Variants in RALYL observed in about 807,000 individuals in gnomAD.
RALYL encodes the protein RNA-binding Raly-like protein.
In RALYL, 29 loss-of-function variants were observed where a neutral mutation model predicts 35.1. The observed-to-expected ratio is 0.83, with a 90% CI of 0.61 to 1.13. The LOEUF (loss-of-function observed/expected upper bound fraction) is 1.13. Among genes scored for constraint, RALYL ranks in the 50% most tolerant of loss-of-function variants. The probability of loss-of-function intolerance (pLI) is 0.00; values close to 1 mark genes in which losing one functional copy is unlikely to be tolerated. For synonymous variants in RALYL, 120 were observed against 127.6 expected (o/e 0.94, Z 0.40); for missense variants, 359 against 360.4 (o/e 1.00, Z 0.03).
Position 84,819,399 on chromosome 8 carries a change from A to T in RALYL, c.365+14597A>T, listed in dbSNP as rs185865005. ...CCATCATTTATTTCTGCACCTGTCAATGACACTTTTCTGTACTTGTCAAAA... is the reference window on the plus strand; with the variant it reads ...CCATCATTTATTTCTGCACCTGTCATTGACACTTTTCTGTACTTGTCAAAA... On this transcript the variant is annotated intron_variant, in intron 4 of 8. Transcript: ENST00000521268. Among the ~76,000 whole-genome samples, 10 of 152,346 alleles carry T rather than the reference A, an allele frequency of 6.6e-5. No individual in the cohort carries two copies. In the East Asian group the frequency reaches 1.9e-3, roughly 29 times the overall value.
At chr8:84,548,485 A>G (rs1473954205) in intron 2 of RALYL, among the ~76,000 whole-genome samples, 2 of 151,938 alleles carry the variant, frequency 1.3e-5, no homozygotes, top group Non-Finnish European at 2.9e-5. Flanking sequence ...GTGGCCATGT[A>G]TTTCCAGTGT....
At chr8:84,803,253 G>A (rs1317881918) in intron 3 of RALYL, among the ~76,000 whole-genome samples, 1 of 152,170 alleles carries the variant, frequency 6.6e-6, no homozygotes, top group African/African-American at 2.4e-5. Context: ...GGAAAATAAA[G>A]TAGTACCATT....
At chr8:84,589,170 T>C (rs1017815307) in intron 2 of RALYL, among the ~76,000 whole-genome samples, 3 of 152,230 alleles carry the variant, frequency 2.0e-5, no homozygotes, top group Admixed American at 6.5e-5. Flanking sequence ...AGCGCCGGGA[T>C]TACAGGTGTG....
intron 4 of RALYL, among the ~76,000 whole-genome samples, chr8:84,833,301 C>T (rs1027549515): frequency 6.6e-6 from 1 of 152,080 alleles, no homozygotes; most frequent in Non-Finnish European, 1.5e-5. Flanking sequence ...GGAATTATTA[C>T]CCTTTTTTTA....
At chr8:84,546,619 T>C (rs1233358240) in intron 2 of RALYL, among the ~76,000 whole-genome samples, 2 of 152,248 alleles carry the variant, frequency 1.3e-5, no homozygotes, top group African/African-American at 4.8e-5. Context: ...TTCTGTTAGA[T>C]AAATTTTACA....
chr8:84,385,657 C>T (rs1433799049), intron 1 of RALYL, among the ~76,000 whole-genome samples: 1 of 151,864 alleles, frequency 6.6e-6, no homozygotes, highest in Non-Finnish European at 1.5e-5. Flanking sequence ...GATTGACTCT[C>T]TTTGTCTCAG....
At chr8:84,793,795 C>A (rs1821328295) in intron 3 of RALYL, among the ~76,000 whole-genome samples, 1 of 151,982 alleles carries the variant, frequency 6.6e-6, no homozygotes, top group Non-Finnish European at 1.5e-5. Flanking sequence ...AACAAGGGTC[C>A]AGGGGAGGGT....
chr8:84,865,561 T>C (rs1262667397), intron 6 of RALYL, among the ~76,000 whole-genome samples: 2 of 152,152 alleles, frequency 1.3e-5, no homozygotes, highest in African/African-American at 2.4e-5. Context: ...TAAAATCAAA[T>C]TGAACTAAAA....
intron 1 of RALYL, among the ~76,000 whole-genome samples, chr8:84,412,931 C>T (rs1247972490): frequency 6.6e-6 from 1 of 151,722 alleles, no homozygotes; most frequent in Non-Finnish European, 1.5e-5. Context: ...CAAAGTCCTA[C>T]AGTTTGTGGA....
At chr8:84,223,209 C>CTCCCTTCCCTTCCCTTCTCT (rs1554578634) in intron 1 of RALYL, among the ~76,000 whole-genome samples, 50 of 88,896 alleles carry the variant, frequency 5.6e-4, no homozygotes, top group African/African-American at 2.6e-3. Flanking sequence ...CCTTCCATTC[C>CTCCCTTCCCTTCCCTTCTCT]TCCCTTCCCT....
At chr8:84,790,709 A>T (rs1325537409) in intron 3 of RALYL, among the ~76,000 whole-genome samples, 2 of 152,228 alleles carry the variant, frequency 1.3e-5, no homozygotes, top group African/African-American at 4.8e-5. Context: ...GCCAGAGTAC[A>T]TTCAGAGATT....
chr8:84,469,629 G>A (rs1014255374), intron 1 of RALYL, among the ~76,000 whole-genome samples: 1 of 152,214 alleles, frequency 6.6e-6, no homozygotes, highest in Non-Finnish European at 1.5e-5. Flanking sequence ...GGAGCCTACA[G>A]AGGAAAGCAG....
intron 2 of RALYL, among the ~76,000 whole-genome samples, chr8:84,630,053 T>C (rs1266189400): frequency 6.6e-6 from 1 of 152,008 alleles, no homozygotes; most frequent in African/African-American, 2.4e-5. Context: ...GAAAACATCA[T>C]TTAAGCAAAG....
intron 3 of RALYL, among the ~76,000 whole-genome samples, chr8:84,801,779 G>A (rs1823338634): frequency 6.6e-6 from 1 of 152,142 alleles, no homozygotes; most frequent in Non-Finnish European, 1.5e-5. Flanking sequence ...ACTGGTGAGG[G>A]CATGTTTGTG....
intron 8 of RALYL, among the ~76,000 whole-genome samples, chr8:84,914,780 T>A: frequency 6.6e-6 from 1 of 152,042 alleles, no homozygotes; most frequent in East Asian, 1.9e-4. Flanking sequence ...TAGACAGAAC[T>A]ACTACAAATC....
At chr8:84,839,222 A>G (rs138973830) in intron 4 of RALYL, among the ~76,000 whole-genome samples, 3,711 of 152,296 alleles carry the variant, frequency 0.024, 150 homozygotes, top group African/African-American at 0.084. Flanking sequence ...TTCCTAGTCA[A>G]AGAAAGGGGT....
intron 2 of RALYL, among the ~76,000 whole-genome samples, chr8:84,648,744 T>A (rs1024220208): frequency 6.6e-6 from 1 of 151,456 alleles, no homozygotes; most frequent in Non-Finnish European, 1.5e-5. Context: ...ATTAATATAT[T>A]ATTTGAATTT....
chr8:84,517,860 T>G (rs2058178237), intron 1 of RALYL, among the ~76,000 whole-genome samples: 1 of 152,156 alleles, frequency 6.6e-6, no homozygotes, highest in African/African-American at 2.4e-5. Context: ...CATTTAAATT[T>G]CTTAAAAATC....
chr8:84,323,989 A>G (rs1563733759), intron 1 of RALYL, among the ~76,000 whole-genome samples: 1 of 152,136 alleles, frequency 6.6e-6, no homozygotes, highest in Non-Finnish European at 1.5e-5. Context: ...TTGTATTATT[A>G]TAGTTGGATC....
Sources: gnomAD v4.1 joint callset for allele counts (sites outside exome capture counted in the v4.1 genomes callset) on GRCh38, gnomAD v4.1.1 for gene constraint, MANE v1.5 for transcripts, NCBI Gene and HGNC (gene_info 2026-07-23, HGNC 2026-07-21) for gene names.